Variants in AGXT2 observed in about 807,000 individuals in gnomAD.
The protein encoded by AGXT2 is alanine--glyoxylate aminotransferase 2.
In AGXT2, 61 loss-of-function variants were observed where a neutral mutation model predicts 62.5. The observed-to-expected ratio is 0.98, with a 90% CI of 0.79 to 1.21. The LOEUF is 1.21. Among genes scored for constraint, AGXT2 ranks in the 50% most tolerant of loss-of-function variants. The pLI is 0.00. For synonymous variants in AGXT2, 243 were observed against 218.7 expected (o/e 1.11, Z -0.98); for missense variants, 666 against 641.5 (o/e 1.04, Z -0.41).
At chr5:35,043,852 G>T (rs1311527385) in intron 1 of AGXT2, among the ~76,000 whole-genome samples, 4 of 152,060 alleles carry the variant, frequency 2.6e-5, no homozygotes, top group African/African-American at 7.2e-5. Flanking sequence ...CACCACACCC[G>T]GCTAGTGTTT....
chr5:35,044,412 C>T (rs984651253), intron 1 of AGXT2, among the ~76,000 whole-genome samples: 7 of 152,204 alleles, frequency 4.6e-5, no homozygotes, highest in South Asian at 2.1e-4. Context: ...CGGTATCATC[C>T]GCTCCGGACA....
At chr5:35,013,863 C>T in intron 10 of AGXT2, 124 bp downstream of exon 10, 2 of 1,400,560 alleles carry the variant, frequency 1.4e-6, no homozygotes, top group Non-Finnish European at 2.0e-6. Context: ...CTTTCATTTG[C>T]TTGGGAAATG....
intron 11 of AGXT2, 160 bp downstream of exon 11, chr5:35,012,794 A>G (rs921453711): frequency 8.0e-6 from 6 of 749,522 alleles, no homozygotes; most frequent in Admixed American, 6.4e-5. Context: ...TTAAAAAGGG[A>G]GAAGGCAGAA....
chr5:35,030,810 T>TCTG (rs769530440), intron 7 of AGXT2, among the ~76,000 whole-genome samples: 37 of 152,166 alleles, frequency 2.4e-4, no homozygotes, highest in Non-Finnish European at 4.6e-4. Context: ...CAGACCAGGG[T>TCTG]CTGGGAGGTG....
At chr5:35,018,223 T>C (rs1041668055) in intron 9 of AGXT2, among the ~76,000 whole-genome samples, 22 of 152,028 alleles carry the variant, frequency 1.4e-4, no homozygotes, top group Non-Finnish European at 1.5e-4. Flanking sequence ...ATACAGAGAA[T>C]GTCACAAAGA....
intron 4 of AGXT2, 43 bp from the exon 5 acceptor site, chr5:35,035,359 T>A: frequency 6.5e-7 from 1 of 1,538,472 alleles, no homozygotes; most frequent in Non-Finnish European, 9.0e-7. Context: ...ATTTATTTCC[T>A]TATTACCCAT....
chr5:35,045,764 CT>C (rs1255749919), intron 1 of AGXT2, among the ~76,000 whole-genome samples: 1,038 of 99,128 alleles, frequency 0.01, 21 homozygotes, highest in African/African-American at 0.036. Context: ...TTTCTTTTTT[CT>C]TTTTTTTTTT....
intron 9 of AGXT2, among the ~76,000 whole-genome samples, chr5:35,022,220 T>G (rs1208084702): frequency 6.6e-6 from 1 of 152,198 alleles, no homozygotes; most frequent in Non-Finnish European, 1.5e-5. Flanking sequence ...ATCCCATTAC[T>G]GGGTATATAC....
At position 35,036,885 on chromosome 5, in the gene AGXT2, C is replaced by A. The variant is rs1228180937; in HGVS notation, c.486+57G>T. On this transcript the variant is annotated intron_variant, in intron 4 of 13. Coordinates refer to ENST00000231420, the MANE Select transcript of AGXT2 (RefSeq NM_031900.4). ...GACTCCTGTCTCTTTGAGCTGGGAGCATCATACCTTTTTTTTTCCCCCATA... is the reference window on the plus strand; with the variant it reads ...GACTCCTGTCTCTTTGAGCTGGGAGAATCATACCTTTTTTTTTCCCCCATA... The A allele has an allele frequency of 7.5e-6, 12 of 1,609,908 alleles. No individual in the cohort carries two copies. The Admixed American group carries it at 1.8e-4, about 25-fold the overall frequency.
chr5:35,021,920 A>T (rs1767110302), intron 9 of AGXT2, among the ~76,000 whole-genome samples: 1 of 152,236 alleles, frequency 6.6e-6, no homozygotes, highest in Non-Finnish European at 1.5e-5. Context: ...GAAGGATATG[A>T]ACAGACACTT....
At position 35,036,950 on chromosome 5, in the gene AGXT2, G is replaced by A. The variant is rs946159094; in HGVS notation, c.478C>T (p.Pro160Ser). Residue 160 changes from proline (P) to serine (S), a missense_variant, in exon 4 of 14, where the codon CCT (proline) becomes TCT (serine). By Grantham distance (74) the Pro-to-Ser change is moderately conservative (BLOSUM62 -1). Coordinates refer to ENST00000231420, the MANE Select transcript of AGXT2 (RefSeq NM_031900.4). ...AEKLAALLPEPLKVIFLVNSG... is the reference protein window; with the variant it reads ...AEKLAALLPESLKVIFLVNSG... ...CAGGAAGAGCATTGTACCTTAAGAG[G>A]CTCAGGAAGAAGTGCGGCAAGCTTC... is the stretch of plus-strand genomic sequence containing the variant. 3.1e-6 allele frequency: 5 copies of A among 1,614,058 alleles called. No homozygotes were observed. Among genetic ancestry groups the A allele is most frequent in the Non-Finnish European group, 4.2e-6 (5 of 1,179,980 alleles).
At position 35,047,844 on chromosome 5, in the gene AGXT2, A is replaced by C; in HGVS notation, c.49T>G (p.Ser17Ala). Residue 17 changes from serine to alanine, a missense_variant, in exon 1 of 14, where the codon TCC (serine) becomes GCC (alanine). Physicochemically the swap from Ser to Ala is moderately conservative, Grantham distance 99 (BLOSUM62 1). Transcript: ENST00000231420. ...TGCATCTCAAGGATCCTGGGAGCGGAAGTGACCAGGCACAAGGGTCTCAGC... is the reference window on the plus strand; with the variant it reads ...TGCATCTCAAGGATCCTGGGAGCGGCAGTGACCAGGCACAAGGGTCTCAGC... Reference protein sequence around the residue: ...HLLRPLCLVTSAPRILEMHPF... With the variant: ...HLLRPLCLVTAAPRILEMHPF... 1 of 1,614,114 alleles carries C rather than the reference A, an allele frequency of 6.2e-7. No homozygotes were observed. The highest frequency in any genetic ancestry group is 8.5e-7 in the Non-Finnish European group (1 of 1,180,008).
intron 3 of AGXT2, 110 bp downstream of exon 3, chr5:35,039,214 A>G (rs575568304): frequency 5.1e-5 from 66 of 1,284,284 alleles, no homozygotes; most frequent in Non-Finnish European, 6.9e-5. Context: ...ACAATCTGTC[A>G]TAGATATTTT....
intron 13 of AGXT2, among the ~76,000 whole-genome samples, chr5:35,002,786 G>GC (rs879673618): frequency 4.0e-5 from 6 of 151,820 alleles, no homozygotes; most frequent in East Asian, 1.9e-4. Flanking sequence ...TGGGGGGGGG[G>GC]ACTAACACGG....
At chr5:35,039,230 C>G (rs1047772257) in intron 3 of AGXT2, 94 bp downstream of exon 3, 1 of 1,413,928 alleles carries the variant, frequency 7.1e-7, no homozygotes, top group Non-Finnish European at 1.0e-6. Flanking sequence ...ATTTTTAAAC[C>G]AAGATAAGCA....
At position 35,030,433 on chromosome 5, in the gene AGXT2, G is replaced by C. The variant is rs549545151; in HGVS notation, c.769+2299C>G. Among the ~76,000 whole-genome samples, 8 of 152,250 alleles carry C rather than the reference G, an allele frequency of 5.3e-5. No homozygotes were observed. The East Asian group carries it at 1.5e-3, about 29-fold the overall frequency. ...TGAGGCAGGAGAATCGCTTGAACCC[G>C]GGAGGCGGAGGTTGCAGTGAGCCGA... On this transcript the variant is annotated intron_variant, in intron 7 of 13. Transcript: ENST00000231420.
chr5:35,030,588 C>T (rs772379272), intron 7 of AGXT2, among the ~76,000 whole-genome samples: 21 of 152,254 alleles, frequency 1.4e-4, no homozygotes, highest in South Asian at 4.1e-4. Flanking sequence ...CAGAAATGTA[C>T]GCCTGTCACT....
chr5:35,026,401 T>C lies in AGXT2; in HGVS notation c.870+9A>G. On this transcript the variant is annotated intron_variant, in intron 8 of 13. Transcript: ENST00000231420. ...CAGCTCCATTAATGTCTAAGGTTCATATACCCACTTGAATAGGTTCTGCGA... is the reference window on the plus strand; with the variant it reads ...CAGCTCCATTAATGTCTAAGGTTCACATACCCACTTGAATAGGTTCTGCGA... 2 of 1,610,222 alleles carry C rather than the reference T, an allele frequency of 1.2e-6. No individual in the cohort carries two copies. Among genetic ancestry groups the C allele is most frequent in the Non-Finnish European group, 1.7e-6 (2 of 1,176,434 alleles).
At chr5:35,028,559 GAGA>G (rs1767444898) in intron 7 of AGXT2, among the ~76,000 whole-genome samples, 1 of 1,386 alleles carries the variant, frequency 7.2e-4, no homozygotes, top group African/African-American at 4.0e-3. Context: ...CAGGAAAGGT[GAGA>G]GAGAGAGAGA....
Sources: gnomAD v4.1 joint callset for allele counts (sites outside exome capture counted in the v4.1 genomes callset) on GRCh38, gnomAD v4.1.1 for gene constraint, MANE v1.5 for transcripts, NCBI Gene and HGNC (gene_info 2026-07-23, HGNC 2026-07-21) for gene names.